RBFOX1: variants seen among roughly 807,000 people sequenced by gnomAD.
The protein encoded by RBFOX1 is RNA binding fox-1 homolog 1, also known as RNA binding protein fox-1 homolog 1.
In RBFOX1, 8 loss-of-function variants were observed where a neutral mutation model predicts 57.7. The observed-to-expected ratio is 0.14, with a 90% CI of 0.08 to 0.25. RBFOX1 has a LOEUF of 0.25. Among genes scored for constraint, RBFOX1 ranks in the 10% least tolerant of loss-of-function variants. The pLI is 1.00. For missense variants in RBFOX1, 611 were observed against 548.5 expected, an observed-to-expected ratio of 1.11 and a Z score of -1.14; for synonymous variants, 326 against 222.4, an observed-to-expected ratio of 1.47 and a Z score of -4.15.
intron 1 of RBFOX1, among the ~76,000 whole-genome samples, chr16:6,203,324 C>G (rs2097228903): frequency 6.6e-6 from 1 of 152,106 alleles, no homozygotes; most frequent in South Asian, 2.1e-4. Context: ...TCAGATTCCT[C>G]CTAATAATGG....
chr16:7,007,864 G>T (rs556449753), intron 3 of RBFOX1, among the ~76,000 whole-genome samples: 4 of 152,310 alleles, frequency 2.6e-5, no homozygotes, highest in Admixed American at 2.6e-4. Context: ...GCATTAGGAA[G>T]TATCAACATG....
chr16:6,743,719 C>T (rs940139073), intron 3 of RBFOX1, among the ~76,000 whole-genome samples: 3 of 151,622 alleles, frequency 2.0e-5, no homozygotes, highest in Non-Finnish European at 2.9e-5. Context: ...TTCCAGCCTG[C>T]ACTCCACTGC....
intron 1 of RBFOX1, among the ~76,000 whole-genome samples, chr16:6,270,934 C>T (rs867613820): frequency 1.6e-4 from 25 of 152,156 alleles, no homozygotes; most frequent in Middle Eastern, 3.4e-3. Context: ...CAGCACATTG[C>T]CGAATAAATT....
At chr16:7,017,546 A>C (rs775482512) in intron 3 of RBFOX1, among the ~76,000 whole-genome samples, 1 of 152,186 alleles carries the variant, frequency 6.6e-6, no homozygotes, top group Admixed American at 6.5e-5. Context: ...GGAACAGAGA[A>C]AGTAGAGGAA....
chr16:5,994,102 C>G (rs922745819), intron 4 of RBFOX1, among the ~76,000 whole-genome samples: 2 of 152,170 alleles, frequency 1.3e-5, no homozygotes, highest in African/African-American at 4.8e-5. Flanking sequence ...TCGACTCTCT[C>G]TGTTCCTGTT....
chr16:7,542,699 G>GAA lies in RBFOX1; in HGVS notation c.270+24330_270+24331dup, dbSNP rs59316335. Among the ~76,000 whole-genome samples the GAA allele has an allele frequency of 2.0e-3, 151 of 74,360 alleles. 1 individual carries two copies. Among genetic ancestry groups the GAA allele is most frequent in the African/African-American group, 7.0e-3 (129 of 18,540 alleles). The allele number at this position is 74,360 out of a possible 152,430, so 48.8% of individuals were successfully genotyped here. ...GTGAAACCCTGTCTCTACTAAAAAT[G>GAA]AAAAAAAAAAAAAAAAAAAAAGCCA... On this transcript the variant is annotated intron_variant, in intron 5 of 15. Transcript: ENST00000550418.
intron 2 of RBFOX1, among the ~76,000 whole-genome samples, chr16:6,477,888 C>T (rs192194675): frequency 6.6e-6 from 1 of 152,316 alleles, no homozygotes; most frequent in East Asian, 1.9e-4. Flanking sequence ...TCACCTTCCA[C>T]TTGCATGTTA....
At chr16:6,524,813 C>T (rs1055187666) in intron 2 of RBFOX1, among the ~76,000 whole-genome samples, 15 of 152,240 alleles carry the variant, frequency 9.9e-5, no homozygotes, top group Admixed American at 9.8e-4. Flanking sequence ...CCTTCTTCCT[C>T]CATCACCTGG....
At chr16:6,952,839 G>T (rs943408043) in intron 3 of RBFOX1, among the ~76,000 whole-genome samples, 1 of 152,014 alleles carries the variant, frequency 6.6e-6, no homozygotes, top group Non-Finnish European at 1.5e-5. Flanking sequence ...GCTGGGTATG[G>T]TGGTGCATGC....
At chr16:7,655,530 C>G (rs1255868156) in intron 12 of RBFOX1, among the ~76,000 whole-genome samples, 7 of 152,096 alleles carry the variant, frequency 4.6e-5, no homozygotes, top group Non-Finnish European at 1.0e-4. Context: ...TAATTTTTAT[C>G]TCTGGTATCA....
At chr16:6,137,535 AC>A (rs913074460) in intron 1 of RBFOX1, among the ~76,000 whole-genome samples, 27 of 146,448 alleles carry the variant, frequency 1.8e-4, no homozygotes, top group African/African-American at 6.9e-4. Flanking sequence ...CGAGCTCCTG[AC>A]CTCAGGTGAT....
At chr16:7,053,007 C>G (rs2346247) in intron 4 of RBFOX1, among the ~76,000 whole-genome samples, 80,354 of 151,844 alleles carry the variant, frequency 0.53, 23,297 homozygotes, top group South Asian at 0.76. Flanking sequence ...TTAGGAAACT[C>G]CTGTGCCCAA....
intron 1 of RBFOX1, among the ~76,000 whole-genome samples, chr16:6,277,496 A>G (rs975748882): frequency 7.0e-5 from 10 of 143,370 alleles, no homozygotes; most frequent in Admixed American, 1.4e-4. Context: ...TTTTATCAGG[A>G]CACAGAGGCT....
chr16:6,398,940 C>A (rs1049945379), intron 2 of RBFOX1, among the ~76,000 whole-genome samples: 1 of 152,234 alleles, frequency 6.6e-6, no homozygotes, highest in African/African-American at 2.4e-5. Flanking sequence ...CAGAGGTTCT[C>A]CATGAGGATT....
intron 1 of RBFOX1, among the ~76,000 whole-genome samples, chr16:6,180,488 A>T: frequency 6.7e-6 from 1 of 148,666 alleles, no homozygotes; most frequent in Non-Finnish European, 1.5e-5. Flanking sequence ...TTAATTTCTG[A>T]TTTTGGTAAT....
At chr16:5,371,463 C>T (rs1308590772) in intron 1 of RBFOX1, among the ~76,000 whole-genome samples, 2 of 152,222 alleles carry the variant, frequency 1.3e-5, no homozygotes, top group East Asian at 1.9e-4. Flanking sequence ...ACGCTTTGAT[C>T]TTGGACTTCC....
At chr16:6,653,654 TGAATGGGTGGGTGGAG>T (rs1418671976) in intron 2 of RBFOX1, among the ~76,000 whole-genome samples, 1 of 149,498 alleles carries the variant, frequency 6.7e-6, no homozygotes, top group Non-Finnish European at 1.5e-5. Context: ...GATGGATGGA[TGAATGGGTGGGTGGAG>T]GGATGAATGG....
chr16:6,676,673 CTTTTTTT>C (rs756578276), intron 3 of RBFOX1, among the ~76,000 whole-genome samples: 1 of 103,550 alleles, frequency 9.7e-6, no homozygotes, highest in Non-Finnish European at 1.9e-5. Flanking sequence ...TTTTTCTTTT[CTTTTTTT>C]TTTTTTTTTT....
chr16:7,672,001 G>A (rs889701687), intron 13 of RBFOX1, among the ~76,000 whole-genome samples: 2 of 152,188 alleles, frequency 1.3e-5, no homozygotes, highest in Non-Finnish European at 2.9e-5. Context: ...TGAACCAATT[G>A]TCTGGATAAT....
Sources: allele counts gnomAD v4.1 joint callset (sites outside exome capture counted in the v4.1 genomes callset), GRCh38; gene constraint gnomAD v4.1.1; transcripts MANE v1.5; gene names NCBI Gene and HGNC (gene_info 2026-07-23, HGNC 2026-07-21).